YY1AP1: variants seen among roughly 807,000 people sequenced by gnomAD.
YY1AP1 encodes YY1-associated protein 1.
Under a neutral mutation model 39.9 loss-of-function variants are expected in YY1AP1, and 43 were observed. That is an observed-to-expected ratio of 1.08 (90% CI 0.84 to 1.39). The LOEUF (loss-of-function observed/expected upper bound fraction) is 1.39, where lower values mean the gene tolerates loss of function less well. YY1AP1 is among the 40% of genes most tolerant of loss of function. YY1AP1 has a pLI of 0.00. For synonymous variants in YY1AP1, 292 were observed against 331.3 expected (o/e 0.88, Z 1.29); for missense variants, 813 against 900.7 (o/e 0.90, Z 1.25).
rs1367250816 is a variant in YY1AP1 at position 155,659,653 on chromosome 1, T to C, written c.*4A>G. ...CCCAGTCTCCAGACTCTTATTCTCC[T>C]AGCTCAAAGAAATCCACTGATTTCC... On this transcript the variant is annotated 3_prime_UTR_variant, in exon 11 of 11. Coordinates refer to ENST00000355499, the MANE Select transcript of YY1AP1 (RefSeq NM_139119.3). 1 of 1,614,080 alleles carries C rather than the reference T, an allele frequency of 6.2e-7. No homozygotes were observed. The highest frequency in any genetic ancestry group is 8.5e-7 in the Non-Finnish European group (1 of 1,179,966).
intron 9 of YY1AP1, among the ~76,000 whole-genome samples, chr1:155,664,456 A>T (rs1308661760): frequency 6.6e-6 from 1 of 152,050 alleles, no homozygotes; most frequent in Non-Finnish European, 1.5e-5. Context: ...CCAGACATGG[A>T]GGATGTGGTG....
In YY1AP1 at chr1:155,687,932, T is replaced by A. The variant is rs572807842; in HGVS notation, c.-21+139A>T. On this transcript the variant is annotated intron_variant, in intron 2 of 10. Transcript: ENST00000355499. ...CCGGTAGGCTCAGGATCCCCCTCCC[T>A]GCTCTCCCCTCCCCCATCTTCACCA... The A allele has an allele frequency of 8.7e-4, 875 of 1,003,236 alleles. 5 individuals carry two copies. The African/African-American group carries it at 0.013, about 15-fold the overall frequency. 62.1% of individuals were successfully genotyped at this position (1,003,236 alleles called of 1,614,324 possible).
chr1:155,668,904 C>G, intron 8 of YY1AP1, 127 bp from the exon 9 acceptor site: 8 of 1,422,624 alleles, frequency 5.6e-6, no homozygotes, highest in Non-Finnish European at 6.8e-6. Flanking sequence ...CACTCTGTCA[C>G]CTGGGCTGGA....
intron 8 of YY1AP1, among the ~76,000 whole-genome samples, chr1:155,670,097 GC>G (rs1649625082): frequency 6.6e-6 from 1 of 152,150 alleles, no homozygotes; most frequent in Admixed American, 6.6e-5. Context: ...ACAGGTGGGA[GC>G]CGCCATGTCC....
chr1:155,684,571 T>C (rs936626028), intron 2 of YY1AP1, among the ~76,000 whole-genome samples: 1 of 125,142 alleles, frequency 8.0e-6, no homozygotes, highest in African/African-American at 4.0e-5. Flanking sequence ...CATTTCTTGC[T>C]TTTTTTTTTT....
chr1:155,671,601 T>C (rs1649874484), intron 7 of YY1AP1, among the ~76,000 whole-genome samples: 1 of 152,176 alleles, frequency 6.6e-6, no homozygotes, highest in Non-Finnish European at 1.5e-5. Flanking sequence ...TTCAGTCTCA[T>C]TCATTTCTGT....
In YY1AP1 at chr1:155,659,504, T is replaced by G. The variant is rs1139870; in HGVS notation, c.*153A>C. ...TGAAGCAAAAGTATATTCCACAGAG[T>G]GGGAGCAGGCTAAAGCAAGCTGCTC... On this transcript the variant is annotated 3_prime_UTR_variant, in exon 11 of 11. Coordinates refer to ENST00000355499, the MANE Select transcript of YY1AP1 (RefSeq NM_139119.3). 2 of 713,880 alleles carry G rather than the reference T, an allele frequency of 2.8e-6. No individual in the cohort carries two copies. The highest frequency in any genetic ancestry group is 1.7e-5 in the South Asian group (1 of 57,348). The allele number at this position is 713,880 out of a possible 1,614,324, so 44.2% of individuals were successfully genotyped here.
intron 8 of YY1AP1, among the ~76,000 whole-genome samples, chr1:155,669,562 T>A (rs1649544416): frequency 6.6e-6 from 1 of 152,084 alleles, no homozygotes; most frequent in Admixed American, 6.6e-5. Context: ...AGAGAATACA[T>A]GGGAAGGAGA....
chr1:155,668,775 A>C lies in YY1AP1; in HGVS notation c.731T>G (p.Leu244Trp). The change falls in exon 9 of 11, where the codon TTG (leucine) becomes TGG (tryptophan). Residue 244 changes from leucine (L) to tryptophan (W), a missense_variant and splice_region_variant. This residue lies in a region of YY1AP1 where 586 missense variants were observed against 647.4 expected (regional missense o/e 0.91). Coordinates refer to ENST00000355499, the MANE Select transcript of YY1AP1 (RefSeq NM_139119.3). The stretch of plus-strand genomic sequence containing the variant: ...AAAATGCTTCAGTCCTAAAGCTAAC[A>C]AACTGAGAAAGGAGCAATAACACTA... ...KILFTKAEDNLLALGLKHFEG... is the reference protein window; with the variant it reads ...KILFTKAEDNWLALGLKHFEG... The C allele has an allele frequency of 6.2e-7, 1 of 1,614,176 alleles. No homozygotes were observed. The highest frequency in any genetic ancestry group is 8.5e-7 in the Non-Finnish European group (1 of 1,180,012).
chr1:155,685,134 G>A (rs536726030), intron 2 of YY1AP1, among the ~76,000 whole-genome samples: 1 of 152,216 alleles, frequency 6.6e-6, no homozygotes, highest in South Asian at 2.1e-4. Flanking sequence ...AACACCAGAT[G>A]ATACAAAACA....
Position 155,659,846 on chromosome 1 carries a change from G to A in YY1AP1, c.2064C>T (p.Cys688=). 6.2e-7 allele frequency: 1 copy of A among 1,614,150 alleles called. No individual in the cohort carries two copies. The highest frequency in any genetic ancestry group is 2.2e-5 in the East Asian group (1 of 44,890). ...SPGPPPVDKQ[C]QEGLSENSAY... ...CACTGTTCTCTGACAATCCTTCTTG[G>A]CACTGTTTATCGACTGGTGGAGGCC... The change falls in exon 11 of 11, where the codon TGC becomes TGT. Residue 688 remains cysteine, a synonymous_variant. Coordinates refer to ENST00000355499, the MANE Select transcript of YY1AP1 (RefSeq NM_139119.3).
intron 9 of YY1AP1, among the ~76,000 whole-genome samples, chr1:155,663,815 A>C (rs192703624): frequency 2.6e-5 from 4 of 152,094 alleles, no homozygotes; most frequent in Non-Finnish European, 5.9e-5. Context: ...TGCATTTTCA[A>C]AATATTGAAG....
At chr1:155,684,494 A>T (rs912281415) in intron 2 of YY1AP1, among the ~76,000 whole-genome samples, 1 of 151,908 alleles carries the variant, frequency 6.6e-6, no homozygotes, top group Non-Finnish European at 1.5e-5. Context: ...CTATCAGACA[A>T]TTTTTCCTAA....
chr1:155,688,671 G>C lies in YY1AP1; in HGVS notation c.-164C>G. The C allele has an allele frequency of 3.3e-6, 5 of 1,532,566 alleles. No individual in the cohort carries two copies. The highest frequency in any genetic ancestry group is 2.0e-5 in the Admixed American group (1 of 49,938). 94.9% of individuals were successfully genotyped at this position (1,532,566 alleles called of 1,614,324 possible). ...CCCTCACGCGTACCTTCAGCGGCGC[G>C]AGCCCAAGCCTTCTCCACCTCCTCT... is the stretch of plus-strand genomic sequence containing the variant. On this transcript the variant is annotated 5_prime_UTR_variant, in exon 1 of 11. Coordinates refer to ENST00000355499, the MANE Select transcript of YY1AP1 (RefSeq NM_139119.3).
chr1:155,679,729 T>G, intron 3 of YY1AP1: 1 of 985,216 alleles, frequency 1.0e-6, no homozygotes, highest in Non-Finnish European at 1.2e-6. Flanking sequence ...AGTCAACTTG[T>G]ATCAGTAAGC....
chr1:155,675,852 T>C (rs1650574507), intron 5 of YY1AP1, among the ~76,000 whole-genome samples: 1 of 152,188 alleles, frequency 6.6e-6, no homozygotes, highest in Admixed American at 6.5e-5. Context: ...TTGGCATAAA[T>C]TTCTCAGACA....
intron 8 of YY1AP1, 69 bp from the exon 9 acceptor site, chr1:155,668,846 A>G (rs1235978360): frequency 6.2e-7 from 1 of 1,605,874 alleles, no homozygotes; most frequent in Non-Finnish European, 8.5e-7. Context: ...CCCCAGACTA[A>G]CACATTTTAC....
chr1:155,688,785 C>T (rs1246798914), upstream of YY1AP1: 4 of 1,540,982 alleles, frequency 2.6e-6, no homozygotes, highest in South Asian at 2.4e-5. Context: ...ACTCCTCGCG[C>T]GTGCGCCTCC....
chr1:155,664,768 ATT>A (rs576047659), intron 9 of YY1AP1, among the ~76,000 whole-genome samples: 2,944 of 137,734 alleles, frequency 0.021, 37 homozygotes, highest in African/African-American at 0.036. Context: ...ATGAATGGAG[ATT>A]TTTTTTTTTT....
Sources: gnomAD v4.1 joint callset for allele counts (sites outside exome capture counted in the v4.1 genomes callset) on GRCh38, gnomAD v4.1.1 for gene constraint, gnomAD v4.1.1 regional missense constraint, MANE v1.5 for transcripts, NCBI Gene and HGNC (gene_info 2026-07-23, HGNC 2026-07-21) for gene names.